The following TAFA4 variants were observed in gnomAD, a reference collection of about 807,000 sequenced individuals.
TAFA4 encodes the protein TAFA chemokine like family member 4.
TAFA4 carries 20 observed loss-of-function variants against 21.1 expected under a neutral mutation model. The observed-to-expected ratio is 0.95, with a 90% confidence interval of 0.67 to 1.38. The LOEUF (loss-of-function observed/expected upper bound fraction) is 1.38. Ranked by LOEUF, TAFA4 falls within the 40% of genes most tolerant of loss-of-function variation. The pLI is 0.00. For synonymous variants in TAFA4, 71 were observed against 67.4 expected (o/e 1.05, Z -0.26); for missense variants, 211 against 180.9 (o/e 1.17, Z -0.95).
intron 2 of TAFA4, among the ~76,000 whole-genome samples, 174 bp downstream of exon 2, chr3:68,885,001 A>C (rs2089656303): frequency 6.6e-6 from 1 of 152,196 alleles, no homozygotes; most frequent in South Asian, 2.1e-4. Flanking sequence ...AACTGAAATA[A>C]TTTTCATTTC....
intron 5 of TAFA4, among the ~76,000 whole-genome samples, chr3:68,736,723 A>T (rs534865844): frequency 6.6e-6 from 1 of 152,282 alleles, no homozygotes; most frequent in African/African-American, 2.4e-5. Flanking sequence ...TACTACTGGA[A>T]GCTAGTCACA....
At chr3:68,917,771 A>AAAAAAAAAAAC (rs2090018899) in intron 1 of TAFA4, among the ~76,000 whole-genome samples, 1 of 145,244 alleles carries the variant, frequency 6.9e-6, no homozygotes, top group Non-Finnish European at 1.6e-5. Flanking sequence ...AAAAAAAAAA[A>AAAAAAAAAAAC]AAGAAAGTTC....
chr3:68,878,316 G>C (rs912393525), intron 3 of TAFA4, among the ~76,000 whole-genome samples: 1 of 152,118 alleles, frequency 6.6e-6, no homozygotes, highest in East Asian at 1.9e-4. Flanking sequence ...ATCTTTAAAG[G>C]ATAAAAATCT....
chr3:68,806,133 G>A (rs544305580), intron 3 of TAFA4, among the ~76,000 whole-genome samples: 7 of 152,078 alleles, frequency 4.6e-5, no homozygotes, highest in Non-Finnish European at 1.0e-4. Flanking sequence ...AATATGCCAA[G>A]GACTTGGGCA....
chr3:68,812,203 C>G (rs1174943062), intron 3 of TAFA4, among the ~76,000 whole-genome samples: 1 of 152,142 alleles, frequency 6.6e-6, no homozygotes, highest in East Asian at 1.9e-4. Flanking sequence ...ACAACAGGTA[C>G]CAGCTACTGC....
intron 3 of TAFA4, among the ~76,000 whole-genome samples, chr3:68,843,764 A>G (rs1704723373): frequency 1.3e-5 from 2 of 152,242 alleles, no homozygotes; most frequent in African/African-American, 4.8e-5. Context: ...TTCTGCATCT[A>G]TTGAGATAAT....
intron 3 of TAFA4, among the ~76,000 whole-genome samples, chr3:68,832,817 C>G (rs1291956991): frequency 6.6e-6 from 1 of 152,250 alleles, no homozygotes; most frequent in African/African-American, 2.4e-5. Context: ...GGCAGTAGGC[C>G]TTGCTGAGCT....
chr3:68,901,394 T>C (rs912561833), intron 1 of TAFA4, among the ~76,000 whole-genome samples: 11 of 152,080 alleles, frequency 7.2e-5, no homozygotes, highest in Non-Finnish European at 1.6e-4. Flanking sequence ...GCCCATTTCA[T>C]AGATAGGAAG....
intron 3 of TAFA4, among the ~76,000 whole-genome samples, chr3:68,808,150 G>A (rs900269873): frequency 6.6e-6 from 1 of 152,100 alleles, no homozygotes; most frequent in African/African-American, 2.4e-5. Context: ...AAAGAAAGGG[G>A]TTAAGTTACT....
intron 3 of TAFA4, among the ~76,000 whole-genome samples, chr3:68,787,338 G>A (rs982920244): frequency 6.6e-6 from 1 of 152,160 alleles, no homozygotes; most frequent in African/African-American, 2.4e-5. Flanking sequence ...ATTAGGCTGA[G>A]AAGAAGAAAA....
At chr3:68,778,237 G>C (rs559805020) in intron 3 of TAFA4, among the ~76,000 whole-genome samples, 3 of 152,216 alleles carry the variant, frequency 2.0e-5, no homozygotes, top group African/African-American at 7.2e-5. Context: ...AGGTAACTTT[G>C]AATGGCTACA....
At chr3:68,757,478 C>G (rs541275297) in intron 3 of TAFA4, among the ~76,000 whole-genome samples, 1 of 152,008 alleles carries the variant, frequency 6.6e-6, no homozygotes, top group East Asian at 1.9e-4. Context: ...ACTAAATGAC[C>G]CTTGAGAGTC....
chr3:68,783,708 A>AG (rs1491254207), intron 3 of TAFA4, among the ~76,000 whole-genome samples: 512 of 91,180 alleles, frequency 5.6e-3, no homozygotes, highest in African/African-American at 8.0e-3. Flanking sequence ...AGAGAGAGAG[A>AG]AAGAAAAAGA....
At chr3:68,858,277 A>C (rs1371162663) in intron 3 of TAFA4, among the ~76,000 whole-genome samples, 2 of 152,116 alleles carry the variant, frequency 1.3e-5, no homozygotes, top group African/African-American at 4.8e-5. Flanking sequence ...CATCCCCTCA[A>C]GTCTCTCTGC....
intron 3 of TAFA4, among the ~76,000 whole-genome samples, chr3:68,851,081 T>C (rs112210431): frequency 1.3e-5 from 2 of 152,226 alleles, no homozygotes; most frequent in Non-Finnish European, 1.5e-5. Context: ...AGCAAAAACA[T>C]GGAATCAACC....
At chr3:68,910,644 C>A (rs542345107) in intron 1 of TAFA4, among the ~76,000 whole-genome samples, 2 of 152,334 alleles carry the variant, frequency 1.3e-5, no homozygotes, top group East Asian at 3.9e-4. Context: ...AATTTGAATG[C>A]CCAGACTTCT....
chr3:68,890,149 A>G (rs145474647), intron 1 of TAFA4, among the ~76,000 whole-genome samples: 33 of 152,342 alleles, frequency 2.2e-4, no homozygotes, highest in African/African-American at 7.5e-4. Context: ...TTAAGAAAAC[A>G]TGAGCGGGAA....
intron 3 of TAFA4, among the ~76,000 whole-genome samples, chr3:68,785,525 G>A (rs1703237561): frequency 6.6e-6 from 1 of 152,220 alleles, no homozygotes; most frequent in Admixed American, 6.5e-5. Context: ...CAGGTGCTAA[G>A]CCCCTCACTG....
At position 68,841,281 on chromosome 3, in the gene TAFA4, C is replaced by G. The variant is rs964448445; in HGVS notation, c.130+39449G>C. Among the ~76,000 whole-genome samples the G allele has an allele frequency of 1.1e-4, 8 of 72,362 alleles. 2 individuals carry two copies. The highest frequency in any genetic ancestry group is 2.6e-4 in the Non-Finnish European group (7 of 27,344). The allele number at this position is 72,362 out of a possible 152,430, so 47.5% of individuals were successfully genotyped here. ...GAGCTTGCAGTGAGCCGAGATCCCG[C>G]CACTGCACTCCAGCCTGGGCGACAG... On this transcript the variant is annotated intron_variant, in intron 3 of 5. Transcript: ENST00000295569.
Sources: allele counts gnomAD v4.1 joint callset (sites outside exome capture counted in the v4.1 genomes callset), GRCh38; gene constraint gnomAD v4.1.1; transcripts MANE v1.5; gene names NCBI Gene and HGNC (gene_info 2026-07-23, HGNC 2026-07-21).